RGS7: variants seen among roughly 807,000 people sequenced by gnomAD.
RGS7 encodes the protein regulator of G-protein signaling 7.
Under a neutral mutation model 81.1 loss-of-function variants are expected in RGS7, and 27 were observed. The ratio of observed to expected loss-of-function variants is 0.33; its 90% CI spans 0.25 to 0.46. The LOEUF (loss-of-function observed/expected upper bound fraction) is 0.46. Among genes scored for constraint, RGS7 ranks in the 20% least tolerant of loss-of-function variants. The pLI is 1.00. For synonymous variants in RGS7, 208 were observed against 207.7 expected, an observed-to-expected ratio of 1.00 and a Z score of -0.01; for missense variants, 396 against 607.4, an observed-to-expected ratio of 0.65 and a Z score of 3.66.
At chr1:240,878,489 CTTTTTTTT>C (rs57896753) in intron 6 of RGS7, among the ~76,000 whole-genome samples, 7 of 117,586 alleles carry the variant, frequency 6.0e-5, no homozygotes, top group African/African-American at 2.2e-4. Flanking sequence ...TTTTTTCTTT[CTTTTTTTT>C]TTTTTTTTGC....
intron 2 of RGS7, among the ~76,000 whole-genome samples, chr1:241,299,935 C>CAAAAAAA (rs35939099): frequency 5.2e-5 from 3 of 58,090 alleles, no homozygotes; most frequent in African/African-American, 1.3e-4. Flanking sequence ...CTCGTTTCTC[C>CAAAAAAA]AAAAAAAAAA....
At chr1:240,906,022 G>T (rs2148221978) in intron 6 of RGS7, among the ~76,000 whole-genome samples, 1 of 152,252 alleles carries the variant, frequency 6.6e-6, no homozygotes, top group South Asian at 2.1e-4. Flanking sequence ...CATACCATCT[G>T]CCCGGCATAG....
At chr1:241,038,214 A>G (rs1418498730) in intron 3 of RGS7, among the ~76,000 whole-genome samples, 1 of 152,238 alleles carries the variant, frequency 6.6e-6, no homozygotes, top group East Asian at 1.9e-4. Context: ...AGATGTTCTT[A>G]GGAAAGAATT....
chr1:240,835,087 A>G (rs1308745664), intron 9 of RGS7, among the ~76,000 whole-genome samples: 2 of 152,222 alleles, frequency 1.3e-5, no homozygotes, highest in Non-Finnish European at 2.9e-5. Flanking sequence ...GGCACAATCC[A>G]TGAAAGAAAT....
intron 2 of RGS7, among the ~76,000 whole-genome samples, chr1:241,281,878 C>A (rs1258855613): frequency 2.0e-5 from 3 of 152,162 alleles, no homozygotes; most frequent in African/African-American, 4.8e-5. Flanking sequence ...CTCAACCAAT[C>A]CACGAACATG....
chr1:241,174,594 T>C (rs1245653971), intron 2 of RGS7, among the ~76,000 whole-genome samples: 2 of 152,192 alleles, frequency 1.3e-5, no homozygotes, highest in Non-Finnish European at 2.9e-5. Context: ...TTTTAATTAA[T>C]CCTTAACAAA....
chr1:241,346,037 TA>T (rs11362290), intron 2 of RGS7, among the ~76,000 whole-genome samples: 29,877 of 151,948 alleles, frequency 0.2, 3,543 homozygotes, highest in African/African-American at 0.33. Context: ...AATAAATACT[TA>T]AATGTTTCTA....
intron 9 of RGS7, among the ~76,000 whole-genome samples, chr1:240,853,787 G>C (rs1353739603): frequency 6.7e-6 from 1 of 149,918 alleles, no homozygotes; most frequent in East Asian, 2.0e-4. Context: ...TGTAGTCCCA[G>C]CTACTCAGGA....
intron 3 of RGS7, among the ~76,000 whole-genome samples, chr1:240,998,021 T>C (rs1160012679): frequency 6.6e-6 from 1 of 152,206 alleles, no homozygotes; most frequent in African/African-American, 2.4e-5. Flanking sequence ...TTCCTTCATC[T>C]GAGAATGTTT....
At chr1:240,845,030 G>A (rs1367839357) in intron 9 of RGS7, among the ~76,000 whole-genome samples, 3 of 152,156 alleles carry the variant, frequency 2.0e-5, no homozygotes, top group African/African-American at 7.2e-5. Context: ...GGAAATATTA[G>A]GGAAAATATT....
intron 10 of RGS7, among the ~76,000 whole-genome samples, chr1:240,820,996 A>G (rs1486927054): frequency 6.6e-6 from 1 of 152,162 alleles, no homozygotes; most frequent in Non-Finnish European, 1.5e-5. Flanking sequence ...GAGCTAGAGA[A>G]CAGATTGTGA....
intron 3 of RGS7, among the ~76,000 whole-genome samples, chr1:241,026,876 G>T (rs992988835): frequency 6.6e-6 from 1 of 151,932 alleles, no homozygotes; most frequent in Non-Finnish European, 1.5e-5. Context: ...GTGATCATAA[G>T]ACATCCATGA....
At chr1:240,783,032 G>A (rs924694419) in intron 18 of RGS7, among the ~76,000 whole-genome samples, 20 of 152,108 alleles carry the variant, frequency 1.3e-4, no homozygotes, top group African/African-American at 4.8e-4. Context: ...GCTAGAAAAA[G>A]CAGCATATAA....
intron 2 of RGS7, among the ~76,000 whole-genome samples, chr1:241,099,104 C>T (rs543919095): frequency 6.6e-6 from 1 of 152,164 alleles, no homozygotes; most frequent in Non-Finnish European, 1.5e-5. Context: ...CACATTCATG[C>T]TTCATTAATG....
chr1:241,002,546 C>T (rs1202847862), intron 3 of RGS7, among the ~76,000 whole-genome samples: 2 of 151,762 alleles, frequency 1.3e-5, no homozygotes, highest in Non-Finnish European at 2.9e-5. Context: ...CTCCCCAGCA[C>T]TCATCATTTT....
chr1:240,901,677 G>A (rs1179365468), intron 6 of RGS7, among the ~76,000 whole-genome samples: 3 of 152,088 alleles, frequency 2.0e-5, no homozygotes, highest in African/African-American at 7.2e-5. Context: ...TAGTTATAAT[G>A]GCTTGACGTT....
chr1:241,001,814 G>A (rs931099624), intron 3 of RGS7, among the ~76,000 whole-genome samples: 7 of 152,110 alleles, frequency 4.6e-5, no homozygotes, highest in Non-Finnish European at 8.8e-5. Flanking sequence ...GGATTGTTAG[G>A]GCACTGAAAT....
At chr1:241,116,210 A>C (rs1302913240) in intron 2 of RGS7, among the ~76,000 whole-genome samples, 1 of 152,198 alleles carries the variant, frequency 6.6e-6, no homozygotes, top group Non-Finnish European at 1.5e-5. Context: ...TAAAACTTGC[A>C]TTATACATGT....
chr1:241,124,707 G>A (rs1011892391), intron 2 of RGS7, among the ~76,000 whole-genome samples: 2 of 152,192 alleles, frequency 1.3e-5, no homozygotes, highest in South Asian at 2.1e-4. Flanking sequence ...CCCAGTGCAC[G>A]GGGCCCATTT....
Sources: gnomAD v4.1 joint callset for allele counts (sites outside exome capture counted in the v4.1 genomes callset) on GRCh38, gnomAD v4.1.1 for gene constraint, MANE v1.5 for transcripts, NCBI Gene and HGNC (gene_info 2026-07-23, HGNC 2026-07-21) for gene names.